MRPS15: variants seen among roughly 807,000 people sequenced by gnomAD.
MRPS15 encodes the protein mitochondrial ribosomal protein S15, also known as small ribosomal subunit protein uS15m.
MRPS15 carries 25 observed loss-of-function variants against 30.7 expected under a neutral mutation model. The observed-to-expected ratio is 0.81, with a 90% CI of 0.59 to 1.14. The LOEUF is 1.14. Ranked by LOEUF, MRPS15 falls within the 50% of genes most tolerant of loss-of-function variation. The probability of loss-of-function intolerance (pLI) is 0.00; values close to 1 mark genes in which losing one functional copy is unlikely to be tolerated. For missense variants in MRPS15, 313 were observed against 321.7 expected (o/e 0.97, Z 0.21); for synonymous variants, 124 against 120.1 (o/e 1.03, Z -0.21).
At position 36,458,031 on chromosome 1, in the gene MRPS15, G is replaced by C. The variant is rs775827550; in HGVS notation, c.386-50C>G. On this transcript the variant is annotated intron_variant, in intron 5 of 7. Coordinates refer to ENST00000373116, the MANE Select transcript of MRPS15 (RefSeq NM_031280.4). The surrounding 1 kb of genome is among the most constrained non-coding windows in gnomAD (Gnocchi z 4.5). ...GAGAGTTGGGCACAGAGGAAGGAAG[G>C]GCCCAGGCCTGGTTTACGTTTTAAG... 1.3e-6 allele frequency: 2 copies of C among 1,521,150 alleles called. No individual in the cohort carries two copies. The highest frequency in any genetic ancestry group is 2.2e-5 in the South Asian group (2 of 89,056). 94.2% of individuals were successfully genotyped at this position (1,521,150 alleles called of 1,614,324 possible).
rs757637628 is a variant in MRPS15 at position 36,455,771 on chromosome 1, A to G, written c.*17T>C. ...TCCTATCATTCTTCAAGACAGAAAG[A>G]AATGATTGAACAGAATTTATTGGCT... On this transcript the variant is annotated 3_prime_UTR_variant, in exon 8 of 8. Coordinates refer to ENST00000373116, the MANE Select transcript of MRPS15 (RefSeq NM_031280.4). 1.9e-6 allele frequency: 3 copies of G among 1,611,766 alleles called. No homozygotes were observed. Among genetic ancestry groups the G allele is most frequent in the Non-Finnish European group, 2.5e-6 (3 of 1,179,500 alleles).
chr1:36,458,378 G>A lies in MRPS15; in HGVS notation c.386-397C>T, dbSNP rs1022471824. The A allele has an allele frequency of 2.4e-5, 4 of 163,530 alleles. No individual in the cohort carries two copies. The South Asian group carries it at 5.9e-4, about 24-fold the overall frequency. 10.1% of individuals were successfully genotyped at this position (163,530 alleles called of 1,614,324 possible). On this transcript the variant is annotated intron_variant, in intron 5 of 7. Coordinates refer to ENST00000373116, the MANE Select transcript of MRPS15 (RefSeq NM_031280.4). The surrounding 1 kb of genome is among the most constrained non-coding windows in gnomAD (Gnocchi z 4.5). ...AGAGCAGCTGGGATTACAGGCGCCC[G>A]CCACCACACACGGCTAATTTTTCTA...
In MRPS15 at chr1:36,464,337, G is replaced by T. The variant is rs543091149; in HGVS notation, c.-62C>A. On this transcript the variant is annotated 5_prime_UTR_variant, in exon 1 of 8. Coordinates refer to ENST00000373116, the MANE Select transcript of MRPS15 (RefSeq NM_031280.4). ...CGCCGTTCGCTTTGCGGCACGGACC[G>T]GGTTACATGGGCGCCGCCATGCTGG... is the stretch of plus-strand genomic sequence containing the variant. 28 of 1,563,438 alleles carry T rather than the reference G, an allele frequency of 1.8e-5. No individual in the cohort carries two copies. The highest frequency in any genetic ancestry group is 2.2e-5 in the Non-Finnish European group (25 of 1,154,828).
intron 5 of MRPS15, chr1:36,459,555 C>G (rs1175723198): frequency 6.6e-6 from 1 of 152,210 alleles, no homozygotes; most frequent in Non-Finnish European, 1.5e-5. Context: ...CCTTTTGTGG[C>G]TGAGCTGGTC....
At chr1:36,457,854 G>A in intron 6 of MRPS15, 69 bp downstream of exon 6, 2 of 1,463,712 alleles carry the variant, frequency 1.4e-6, no homozygotes, top group Non-Finnish European at 1.9e-6. Context: ...TGGACCCAGA[G>A]CCCTTCCCCT....
chr1:36,459,075 A>G (rs6425987), intron 5 of MRPS15: 39,377 of 152,196 alleles, frequency 0.26, 5,863 homozygotes, highest in Middle Eastern at 0.4. Context: ...CATTCAGAAA[A>G]CTGAGTAATA....
Position 36,464,332 on chromosome 1 carries a change from G to C in MRPS15, c.-57C>G, listed in dbSNP as rs1401214008. 38 of 1,580,540 alleles carry C rather than the reference G, an allele frequency of 2.4e-5. No individual in the cohort carries two copies. The highest frequency in any genetic ancestry group is 3.2e-5 in the Non-Finnish European group (37 of 1,162,890). The stretch of plus-strand genomic sequence containing the variant: ...GCGGCCGCCGTTCGCTTTGCGGCAC[G>C]GACCGGGTTACATGGGCGCCGCCAT... On this transcript the variant is annotated 5_prime_UTR_variant, in exon 1 of 8. Coordinates refer to ENST00000373116, the MANE Select transcript of MRPS15 (RefSeq NM_031280.4).
intron 2 of MRPS15, 117 bp downstream of exon 2, chr1:36,463,689 C>T (rs1023357073): frequency 4.0e-6 from 5 of 1,244,414 alleles, no homozygotes; most frequent in East Asian, 2.6e-5. Flanking sequence ...GTCTTTTGCT[C>T]AGGACCTCTG....
rs903014076 is a variant in MRPS15 at position 36,456,208 on chromosome 1, G to A, written c.615C>T (p.Thr205=). The change falls in exon 7 of 8, where the codon ACC becomes ACT. Residue 205 remains threonine (T), a synonymous_variant. Coordinates refer to ENST00000373116, the MANE Select transcript of MRPS15 (RefSeq NM_031280.4). ...YYRRAHRRFV[T]KKALCIRVFQ... is the part of the protein sequence containing the mutation. ...GTACCCGAATGCACAGAGCCTTCTT[G>A]GTCACGAATCGGCGGTGGGCTCTTC... The A allele has an allele frequency of 6.2e-7, 1 of 1,611,648 alleles. No individual in the cohort carries two copies. Among genetic ancestry groups the A allele is most frequent in the Admixed American group, 1.7e-5 (1 of 59,726 alleles).
At chr1:36,459,197 C>G (rs1650049892) in intron 5 of MRPS15, 1 of 152,116 alleles carries the variant, frequency 6.6e-6, no homozygotes, top group Non-Finnish European at 1.5e-5. Flanking sequence ...AGTTCGAGAT[C>G]AGCCTGGGCA....
Position 36,456,243 on chromosome 1 carries a change from G to A in MRPS15, c.580C>T (p.Leu194=). 3 of 1,614,068 alleles carry A rather than the reference G, an allele frequency of 1.9e-6. No homozygotes were observed. The highest frequency in any genetic ancestry group is 2.5e-6 in the Non-Finnish European group (3 of 1,180,010). Residue 194 remains leucine, a synonymous_variant, in exon 7 of 8, where the codon CTG becomes TTG. Coordinates refer to ENST00000373116, the MANE Select transcript of MRPS15 (RefSeq NM_031280.4). The part of the protein sequence containing the change: ...GLGIEYTFPP[L]YYRRAHRRFV... ...CGGCGGTGGGCTCTTCGGTAATACAGAGGGGGGAAGGTGTACTCAATTCCC... is the reference window on the plus strand; with the variant it reads ...CGGCGGTGGGCTCTTCGGTAATACAAAGGGGGGAAGGTGTACTCAATTCCC...
intron 7 of MRPS15, 91 bp downstream of exon 7, chr1:36,456,096 G>A (rs1649988198): frequency 1.3e-6 from 2 of 1,501,368 alleles, no homozygotes; most frequent in Non-Finnish European, 1.8e-6. Context: ...CCAGTTCCAT[G>A]CCTCTAACAG....
Position 36,464,304 on chromosome 1 carries a change from G to T in MRPS15, c.-29C>A. The T allele has an allele frequency of 6.3e-7, 1 of 1,588,696 alleles. No homozygotes were observed. Among genetic ancestry groups the T allele is most frequent in the Non-Finnish European group, 8.6e-7 (1 of 1,167,942 alleles). ...GACCTCTAACCCCCGCGGGGCCCGC[G>T]CCGCGGCCGCCGTTCGCTTTGCGGC... On this transcript the variant is annotated 5_prime_UTR_variant, in exon 1 of 8. Coordinates refer to ENST00000373116, the MANE Select transcript of MRPS15 (RefSeq NM_031280.4).
chr1:36,460,294 C>T (rs1019211142), intron 5 of MRPS15, among the ~76,000 whole-genome samples: 13 of 152,218 alleles, frequency 8.5e-5, no homozygotes, highest in Non-Finnish European at 1.5e-4. Context: ...GCGTGAGCCA[C>T]CGCGCCTGGC....
Position 36,458,950 on chromosome 1 carries a change from C to A in MRPS15, c.386-969G>T, listed in dbSNP as rs1246716045. On this transcript the variant is annotated intron_variant, in intron 5 of 7. Coordinates refer to ENST00000373116, the MANE Select transcript of MRPS15 (RefSeq NM_031280.4). The surrounding 1 kb of genome is among the most constrained non-coding windows in gnomAD (Gnocchi z 4.5). The stretch of plus-strand genomic sequence containing the variant: ...GCAGAAAGTGCAGTGGGAACCCTGA[C>A]CCCGACCACATGGCTCCATCACAGC... 6.6e-6 allele frequency: 1 copy of A among 152,258 alleles called. No homozygotes were observed. Among genetic ancestry groups the A allele is most frequent in the African/African-American group, 2.4e-5 (1 of 41,454 alleles). The allele number at this position is 152,258 out of a possible 1,614,324, so 9.4% of individuals were successfully genotyped here.
intron 2 of MRPS15, among the ~76,000 whole-genome samples, 200 bp from the exon 3 acceptor site, chr1:36,462,363 G>A (rs1246228151): frequency 6.6e-6 from 1 of 152,136 alleles, no homozygotes; most frequent in Non-Finnish European, 1.5e-5. Context: ...TTGCGAGTAG[G>A]TGGCTTTTCC....
chr1:36,463,249 A>G (rs771786848), intron 2 of MRPS15, among the ~76,000 whole-genome samples: 2 of 152,228 alleles, frequency 1.3e-5, no homozygotes, highest in Non-Finnish European at 2.9e-5. Context: ...TTACAGGCGT[A>G]AGCCACCGCG....
rs185670444 is a variant in MRPS15 at position 36,460,247 on chromosome 1, T to C, written c.385+445A>G. ...TGGTCTTGATCTCCTGACCTTGTGA[T>C]CCACCTGCTTGGCCTCCCAAAGTGC... On this transcript the variant is annotated intron_variant, in intron 5 of 7. Coordinates refer to ENST00000373116, the MANE Select transcript of MRPS15 (RefSeq NM_031280.4). Among the ~76,000 whole-genome samples the C allele has an allele frequency of 1.6e-3, 242 of 152,266 alleles. 1 individual carries two copies. Among genetic ancestry groups the C allele is most frequent in the Non-Finnish European group, 2.5e-3 (169 of 68,014 alleles).
chr1:36,458,112 C>T lies in MRPS15; in HGVS notation c.386-131G>A. 1.4e-6 allele frequency: 1 copy of T among 715,410 alleles called. No homozygotes were observed. 44.3% of individuals were successfully genotyped at this position (715,410 alleles called of 1,614,324 possible). A position where few individuals can be genotyped will look rare whatever the true frequency, so the allele number is the denominator to read the frequency against. The stretch of plus-strand genomic sequence containing the variant: ...GTACAGCTCTCTATAAATCCCAAAT[C>T]ACTCTGAATTTCAAGATTTCAAAGG... On this transcript the variant is annotated intron_variant, in intron 5 of 7. Transcript: ENST00000373116. The surrounding 1 kb of genome is among the most constrained non-coding windows in gnomAD (Gnocchi z 4.5).
Sources: allele counts gnomAD v4.1 joint callset (sites outside exome capture counted in the v4.1 genomes callset), GRCh38; gene constraint gnomAD v4.1.1; non-coding constraint Gnocchi (gnomAD v3.1); transcripts MANE v1.5; gene names NCBI Gene and HGNC (gene_info 2026-07-23, HGNC 2026-07-21).